The following RIPOR1 variants were observed in gnomAD, a reference collection of about 807,000 sequenced individuals.
RIPOR1 encodes RHO family interacting cell polarization regulator 1.
A neutral mutation model predicts 116.5 loss-of-function variants in RIPOR1; 58 were observed. That is an observed-to-expected ratio of 0.50 (90% CI 0.40 to 0.62). The LOEUF (loss-of-function observed/expected upper bound fraction) is 0.62, where lower values mean the gene tolerates loss of function less well. RIPOR1 is among the 20% of genes least tolerant of loss of function. The probability of loss-of-function intolerance (pLI) is 0.00; values close to 1 mark genes in which losing one functional copy is unlikely to be tolerated. For missense variants in RIPOR1, 1,372 were observed against 1,586.2 expected (o/e 0.86, Z 2.29); for synonymous variants, 605 against 650.0 (o/e 0.93, Z 1.05).
In RIPOR1 at chr16:67,537,550, C is replaced by T. The variant is rs1324468342; in HGVS notation, c.-23-874C>T. 1 of 1,357,298 alleles carries T rather than the reference C, an allele frequency of 7.4e-7. No homozygotes were observed. The highest frequency in any genetic ancestry group is 3.3e-5 in the Admixed American group (1 of 30,198). The allele number at this position is 1,357,298 out of a possible 1,614,324, so 84.1% of individuals were successfully genotyped here. On this transcript the variant is annotated intron_variant, in intron 1 of 21. Coordinates refer to ENST00000042381, the MANE Select transcript of RIPOR1 (RefSeq NM_024519.4). The surrounding 1 kb of genome is among the most constrained non-coding windows in gnomAD (Gnocchi z 4.6). ...GGCCGGAAGGTCCGCGGGGGGCGAG[C>T]GCGGGTCGGGGGCCGTCCCGGACCC...
intron 1 of RIPOR1, among the ~76,000 whole-genome samples, chr16:67,534,456 A>C (rs1160235900): frequency 6.6e-6 from 1 of 152,220 alleles, no homozygotes; most frequent in African/African-American, 2.4e-5. Context: ...TTTACATTGA[A>C]ATATAATAGG....
Position 67,520,799 on chromosome 16 carries a change from C to CA in RIPOR1, c.-24+2195dup, listed in dbSNP as rs772645514. The stretch of plus-strand genomic sequence containing the variant: ...TAGGCGACAGAGTGAGACTCCATCT[C>CA]AAAAAAAAAGAAAAAAAAAAATGAG... On this transcript the variant is annotated intron_variant, in intron 1 of 1. Transcript: ENST00000562116. 3.9e-4 allele frequency among the ~76,000 whole-genome samples: 54 copies of CA among 137,406 alleles called. 1 individual carries two copies. Among genetic ancestry groups the CA allele is most frequent in the South Asian group, 2.8e-3 (12 of 4,310 alleles). 90.1% of individuals were successfully genotyped at this position (137,406 alleles called of 152,430 possible). A position where few individuals can be genotyped will look rare whatever the true frequency, so the allele number is the denominator to read the frequency against.
chr16:67,543,670 C>G lies in RIPOR1; in HGVS notation c.2600+201C>G. 1 of 690,322 alleles carries G rather than the reference C, an allele frequency of 1.4e-6. No individual in the cohort carries two copies. The highest frequency in any genetic ancestry group is 2.5e-6 in the Non-Finnish European group (1 of 406,792). 42.8% of individuals were successfully genotyped at this position (690,322 alleles called of 1,614,324 possible). ...TCCCATGTCCTTCATGCCCATGTCT[C>G]CAACCCTACGTGTGTCCCCAGTGCT... On this transcript the variant is annotated intron_variant, in intron 14 of 21. Coordinates refer to ENST00000042381, the MANE Select transcript of RIPOR1 (RefSeq NM_024519.4). The surrounding 1 kb of genome is among the most constrained non-coding windows in gnomAD (Gnocchi z 4.7).
In RIPOR1 at chr16:67,545,439, C is replaced by T. The variant is rs1198060265; in HGVS notation, c.3095C>T (p.Pro1032Leu). Residue 1032 changes from proline to leucine, a missense_variant, in exon 18 of 22, where the codon CCT (proline) becomes CTT (leucine). Pro to Leu is a moderately conservative substitution (Grantham distance 98, BLOSUM62 -3). Transcript: ENST00000042381. The surrounding 1 kb of genome is among the most constrained non-coding windows in gnomAD (Gnocchi z 4.8). ...QKLPRRPQPG[P>L]GEQLTVFQFW... The stretch of plus-strand genomic sequence containing the variant: ...CTGCCCAGAAGGCCCCAGCCAGGGC[C>T]TGGAGAGCAGCTCACAGTCTTCCAG... The T allele has an allele frequency of 6.2e-7, 1 of 1,613,944 alleles. No individual in the cohort carries two copies. The highest frequency in any genetic ancestry group is 8.5e-7 in the Non-Finnish European group (1 of 1,180,040).
rs374450968 is a variant in RIPOR1, at chr16:67,541,853, C to T, written c.1081-14C>T. The T allele has an allele frequency of 6.2e-7, 1 of 1,611,112 alleles. No homozygotes were observed. The highest frequency in any genetic ancestry group is 1.3e-5 in the African/African-American group (1 of 74,820). On this transcript the variant is annotated splice_polypyrimidine_tract_variant and intron_variant, in intron 12 of 21. Coordinates refer to ENST00000042381, the MANE Select transcript of RIPOR1 (RefSeq NM_024519.4). The surrounding 1 kb of genome is among the most constrained non-coding windows in gnomAD (Gnocchi z 4.6). The stretch of plus-strand genomic sequence containing the variant: ...CCTGGGGGTGGTTCTGAAATGCCCT[C>T]TCCTCTTTCTCAGAACATGCTGCGA...
intron 1 of RIPOR1, among the ~76,000 whole-genome samples, chr16:67,532,006 C>T (rs1016251675): frequency 6.6e-6 from 1 of 152,122 alleles, no homozygotes; most frequent in African/African-American, 2.4e-5. Context: ...ATTCTCCCAC[C>T]TCAGCCTACT....
intron 1 of RIPOR1, among the ~76,000 whole-genome samples, chr16:67,533,003 A>G (rs939298964): frequency 6.6e-6 from 1 of 152,040 alleles, no homozygotes; most frequent in Non-Finnish European, 1.5e-5. Context: ...AATTCTGGCT[A>G]TAGGGGTAGA....
chr16:67,524,763 T>C (rs919721723), upstream of RIPOR1, among the ~76,000 whole-genome samples: 1 of 152,246 alleles, frequency 6.6e-6, no homozygotes, highest in African/African-American at 2.4e-5. Context: ...TTCTGCCTCC[T>C]GAACATCTCT....
chr16:67,531,687 G>A lies in RIPOR1; in HGVS notation c.-24+2773G>A. 2.2e-6 allele frequency: 1 copy of A among 445,526 alleles called. No individual in the cohort carries two copies. The highest frequency in any genetic ancestry group is 7.1e-5 in the East Asian group (1 of 14,112). 27.6% of individuals were successfully genotyped at this position (445,526 alleles called of 1,614,324 possible). ...GAGAAAGCAGGGGACTGGGAGGAGA[G>A]GAGTGGTTGAAAGAATGTGAGGGAC... On this transcript the variant is annotated intron_variant, in intron 1 of 21. Transcript: ENST00000042381. This position sits in a 1 kb window ranked among gnomAD's most constrained non-coding sequence, Gnocchi z 4.2.
At position 67,530,573 on chromosome 16, in the gene RIPOR1, G is replaced by C; in HGVS notation, c.-24+1659G>C. 6.6e-6 allele frequency among the ~76,000 whole-genome samples: 1 copy of C among 152,220 alleles called. No individual in the cohort carries two copies. The highest frequency in any genetic ancestry group is 1.9e-4 in the East Asian group (1 of 5,184). ...CGGGGTGGGGCGGGGCTAGACCCGG[G>C]GACTCCCAGAGAGGCAGCTGGCCTG... On this transcript the variant is annotated intron_variant, in intron 1 of 21. Transcript: ENST00000042381. This position sits in a 1 kb window ranked among gnomAD's most constrained non-coding sequence, Gnocchi z 4.5.
Position 67,544,323 on chromosome 16 carries a change from G to A in RIPOR1, c.2625G>A (p.Gly875=). 1.2e-6 allele frequency: 2 copies of A among 1,610,300 alleles called. No homozygotes were observed. The highest frequency in any genetic ancestry group is 1.7e-6 in the Non-Finnish European group (2 of 1,177,298). The change falls in exon 15 of 22, where the codon GGG becomes GGA. Residue 875 remains glycine (G), a synonymous_variant. Transcript: ENST00000042381. The surrounding 1 kb of genome is among the most constrained non-coding windows in gnomAD (Gnocchi z 5.1). ...GGCCTCCAAGCAGCCCGGAGGCTGG[G>A]GCTGAGGACAGCATAGACTCACCCA... is the stretch of plus-strand genomic sequence containing the variant. ...GDRPPSSPEA[G]AEDSIDSPSA...
chr16:67,542,771 C>T lies in RIPOR1; in HGVS notation c.1985C>T (p.Thr662Ile). The part of the protein sequence containing the change: ...QTATSPTHPT[T>I]SPTHPTTSPI... Reference sequence around the variant, plus strand: ...GCCACAAGTCCCACCCATCCTACCACAAGCCCCACCCATCCCACCACAAGC... The same window carrying T: ...GCCACAAGTCCCACCCATCCTACCATAAGCCCCACCCATCCCACCACAAGC... Residue 662 changes from threonine (T) to isoleucine (I), a missense_variant, in exon 13 of 22, where the codon ACA becomes ATA. Transcript: ENST00000042381. The surrounding 1 kb of genome is among the most constrained non-coding windows in gnomAD (Gnocchi z 4.6). 1 of 1,613,848 alleles carries T rather than the reference C, an allele frequency of 6.2e-7. No individual in the cohort carries two copies. The highest frequency in any genetic ancestry group is 1.1e-5 in the South Asian group (1 of 91,068).
At chr16:67,523,407 C>G (rs1423619125) in intron 1 of RIPOR1, among the ~76,000 whole-genome samples, 1 of 150,852 alleles carries the variant, frequency 6.6e-6, no homozygotes, top group African/African-American at 2.4e-5. Flanking sequence ...GTGCCTGTAA[C>G]CCCAGCTACT....
In RIPOR1 at chr16:67,529,685, T is replaced by A; in HGVS notation, c.-24+771T>A. 7.1e-7 allele frequency: 1 copy of A among 1,406,518 alleles called. No individual in the cohort carries two copies. The highest frequency in any genetic ancestry group is 1.3e-5 in the South Asian group (1 of 75,372). The allele number at this position is 1,406,518 out of a possible 1,614,324, so 87.1% of individuals were successfully genotyped here. A position where few individuals can be genotyped will look rare whatever the true frequency, so the allele number is the denominator to read the frequency against. The stretch of plus-strand genomic sequence containing the variant: ...CCTACAGACCCTCCCCAGCCAGTTC[T>A]AACGTGTGTCCAGGCTGGCCGCCCC... On this transcript the variant is annotated intron_variant, in intron 1 of 21. Coordinates refer to ENST00000042381, the MANE Select transcript of RIPOR1 (RefSeq NM_024519.4). The surrounding 1 kb of genome is among the most constrained non-coding windows in gnomAD (Gnocchi z 4.1).
Position 67,537,619 on chromosome 16 carries a change from C to T in RIPOR1, c.-23-805C>T. ...AGAGGTAGGACCCAGCTCGGGGCTG[C>T]GAAAGCTCAGGGACTGGCCCCAGGG... On this transcript the variant is annotated intron_variant, in intron 1 of 21. Transcript: ENST00000042381. The surrounding 1 kb of genome is among the most constrained non-coding windows in gnomAD (Gnocchi z 4.6). 2 of 1,395,494 alleles carry T rather than the reference C, an allele frequency of 1.4e-6. No individual in the cohort carries two copies. The highest frequency in any genetic ancestry group is 1.9e-6 in the Non-Finnish European group (2 of 1,068,660). The allele number at this position is 1,395,494 out of a possible 1,614,324, so 86.4% of individuals were successfully genotyped here.
Position 67,544,646 on chromosome 16 carries a change from C to T in RIPOR1, c.2734-49C>T. The T allele has an allele frequency of 6.8e-6, 11 of 1,607,858 alleles. No individual in the cohort carries two copies. The highest frequency in any genetic ancestry group is 9.3e-6 in the Non-Finnish European group (11 of 1,179,582). On this transcript the variant is annotated intron_variant, in intron 15 of 21. Coordinates refer to ENST00000042381, the MANE Select transcript of RIPOR1 (RefSeq NM_024519.4). The surrounding 1 kb of genome is among the most constrained non-coding windows in gnomAD (Gnocchi z 5.1). ...GGACTTGTCCCTGAGCACGATCCTC[C>T]CGAGCCCTACCCTGAGGCCTGAGCT...
At chr16:67,535,102 C>T (rs1303272516) in intron 1 of RIPOR1, among the ~76,000 whole-genome samples, 1 of 152,150 alleles carries the variant, frequency 6.6e-6, no homozygotes, top group African/African-American at 2.4e-5. Flanking sequence ...CTCTGCCTCC[C>T]AAAGTGTTGG....
Position 67,542,693 on chromosome 16 carries a change from C to T in RIPOR1, c.1907C>T (p.Ser636Leu), listed in dbSNP as rs772692008. ...AGTCCCACCCACAAAACCAGTATGT[C>T]ACCTCCCACCACTACAAGTCCTACC... is the stretch of plus-strand genomic sequence containing the variant. The part of the protein sequence containing the change: ...PTSPTHKTSM[S>L]PPTTTSPTPS... Residue 636 changes from serine to leucine, a missense_variant, in exon 13 of 22, where the codon TCA becomes TTA. By Grantham distance (145) the Ser-to-Leu change is moderately radical. Around this residue, in one of 3 missense-constraint regions of RIPOR1, gnomAD observed 1,005 missense variants for 1,144.7 expected, o/e 0.88. Coordinates refer to ENST00000042381, the MANE Select transcript of RIPOR1 (RefSeq NM_024519.4). This position sits in a 1 kb window ranked among gnomAD's most constrained non-coding sequence, Gnocchi z 4.6. 2.0e-5 allele frequency: 32 copies of T among 1,613,668 alleles called. No individual in the cohort carries two copies. The highest frequency in any genetic ancestry group is 2.5e-5 in the Non-Finnish European group (30 of 1,179,900).
At chr16:67,523,162 G>A (rs1357999056) in intron 1 of RIPOR1, among the ~76,000 whole-genome samples, 1 of 152,102 alleles carries the variant, frequency 6.6e-6, no homozygotes, top group Non-Finnish European at 1.5e-5. Context: ...CTCAATCCAT[G>A]CCTGCCATCC....
Sources: allele counts gnomAD v4.1 joint callset (sites outside exome capture counted in the v4.1 genomes callset), GRCh38; gene constraint gnomAD v4.1.1; regional missense constraint gnomAD v4.1.1; non-coding constraint Gnocchi (gnomAD v3.1); transcripts MANE v1.5; gene names NCBI Gene and HGNC (gene_info 2026-07-23, HGNC 2026-07-21).